RGL2: variants seen among roughly 807,000 people sequenced by gnomAD.
RGL2 encodes the protein ral guanine nucleotide dissociation stimulator-like 2.
A neutral mutation model predicts 84.6 loss-of-function variants in RGL2; 40 were observed. The observed-to-expected ratio is 0.47, with a 90% CI of 0.37 to 0.62. The LOEUF is 0.62. Ranked by LOEUF, RGL2 falls within the 20% of genes least tolerant of loss-of-function variation. RGL2 has a pLI of 0.00. For missense variants in RGL2, 865 were observed against 1,019.7 expected, an observed-to-expected ratio of 0.85 and a Z score of 2.07; for synonymous variants, 369 against 417.3, an observed-to-expected ratio of 0.88 and a Z score of 1.41.
rs1767640158 is a variant in RGL2, at chr6:33,293,519, A to C, written c.1610T>G (p.Leu537Trp). 6.2e-7 allele frequency: 1 copy of C among 1,613,574 alleles called. No homozygotes were observed. The change falls in exon 15 of 18, where the codon TTG becomes TGG. Residue 537 changes from leucine (L) to tryptophan (W), a missense_variant. Physicochemically the swap from Leu to Trp is moderately conservative, Grantham distance 61 (BLOSUM62 -2). This residue lies in a region of RGL2 where 302 missense variants were observed against 327.9 expected (regional missense o/e 0.92). Coordinates refer to ENST00000497454, the MANE Select transcript of RGL2 (RefSeq NM_004761.5). This position sits in a 1 kb window ranked among gnomAD's most constrained non-coding sequence, Gnocchi z 7.0. ...TLVISQWTEV[L>W]GSVGVPTPLV... is the part of the protein sequence containing the mutation. The stretch of plus-strand genomic sequence containing the variant: ...CGGGGTAGGGACCCCAACAGAGCCC[A>C]AAACCCTGCAGTGGCAGGAGATTGG...
In RGL2 at chr6:33,293,357, G is replaced by A. The variant is rs760476809; in HGVS notation, c.1717-51C>T. On this transcript the variant is annotated intron_variant, in intron 15 of 17. Transcript: ENST00000497454. This position sits in a 1 kb window ranked among gnomAD's most constrained non-coding sequence, Gnocchi z 7.0. ...CATGAAGGCAGGGAGGTTTAAGGAA[G>A]AAACATTTACAGAGTGAGGGTCAGC... 7 of 1,583,826 alleles carry A rather than the reference G, an allele frequency of 4.4e-6. No individual in the cohort carries two copies. The highest frequency in any genetic ancestry group is 6.0e-6 in the Non-Finnish European group (7 of 1,166,368).
rs1285807536 is a variant in RGL2 at position 33,298,795 on chromosome 6, TA to T, written c.-42+74del. 12 of 332,512 alleles carry T rather than the reference TA, an allele frequency of 3.6e-5. No homozygotes were observed. Among genetic ancestry groups the T allele is most frequent in the Admixed American group, 5.6e-5 (1 of 17,754 alleles). The allele number at this position is 332,512 out of a possible 1,614,324, so 20.6% of individuals were successfully genotyped here. A position where few individuals can be genotyped will look rare whatever the true frequency, so the allele number is the denominator to read the frequency against. On this transcript the variant is annotated intron_variant, in intron 1 of 17. Coordinates refer to ENST00000497454, the MANE Select transcript of RGL2 (RefSeq NM_004761.5). The surrounding 1 kb of genome is among the most constrained non-coding windows in gnomAD (Gnocchi z 4.8). Reference sequence around the variant, plus strand: ...GGGAGGGGGCAACAGAAGGGTGGAATAGGGGGGCCCTTGGTGCTGTTGGGGA... The same window carrying T: ...GGGAGGGGGCAACAGAAGGGTGGAATGGGGGGCCCTTGGTGCTGTTGGGGA...
At position 33,292,356 on chromosome 6, in the gene RGL2, T is replaced by TC. The variant is rs757404418; in HGVS notation, c.2123-44dup. 7.5e-6 allele frequency: 12 copies of TC among 1,609,716 alleles called. No individual in the cohort carries two copies. The South Asian group carries it at 1.1e-4, about 15-fold the overall frequency. On this transcript the variant is annotated intron_variant, in intron 17 of 17. Coordinates refer to ENST00000497454, the MANE Select transcript of RGL2 (RefSeq NM_004761.5). ...GGATGTAAAGCACACACACAGTTGT[T>TC]CCCCCCACAGCCGCCCAGATGTGGA... is the stretch of plus-strand genomic sequence containing the variant.
Position 33,293,222 on chromosome 6 carries a change from GGT to G in RGL2, c.1799_1800del (p.His600ProfsTer9), listed in dbSNP as rs746670142. 1.5e-5 allele frequency: 23 copies of G among 1,562,140 alleles called. No homozygotes were observed. The highest frequency in any genetic ancestry group is 2.7e-5 in the African/African-American group (2 of 73,378). On this transcript the variant is annotated frameshift_variant, in exon 16 of 18. Transcript: ENST00000497454. LOFTEE classifies it high-confidence loss of function. The surrounding 1 kb of genome is among the most constrained non-coding windows in gnomAD (Gnocchi z 7.0). ...CTAGGGGAGGAGGCTGGTGGGGAGA[GGT>G]GGCTGGGGTCAGCTGGACTGTGCAG... is the stretch of plus-strand genomic sequence containing the variant. ...PSLHSPADPS[H>X]LSPPASSPRP...
Position 33,297,067 on chromosome 6 carries a change from C to T in RGL2, c.205G>A (p.Val69Ile), listed in dbSNP as rs989579915. 5.1e-6 allele frequency: 8 copies of T among 1,574,566 alleles called. No individual in the cohort carries two copies. The highest frequency in any genetic ancestry group is 1.2e-5 in the South Asian group (1 of 83,222). The stretch of plus-strand genomic sequence containing the variant: ...AGAGGTCGATATTGGCGGCTTGTGA[C>T]GGTAAACACGGCACCATCCTCCTCC... ...DEEEDGAVFT[V>I]TSRQYRPLDP... Residue 69 changes from valine (V) to isoleucine (I), a missense_variant, in exon 3 of 18, where the codon GTC becomes ATC. By Grantham distance (29) the Val-to-Ile change is conservative (BLOSUM62 3). Around this residue, in one of 5 missense-constraint regions of RGL2, gnomAD observed 455 missense variants for 507.8 expected, o/e 0.90. Coordinates refer to ENST00000497454, the MANE Select transcript of RGL2 (RefSeq NM_004761.5). This position sits in a 1 kb window ranked among gnomAD's most constrained non-coding sequence, Gnocchi z 4.0.
chr6:33,298,879 A>T lies in RGL2; in HGVS notation c.-51T>A. The T allele has an allele frequency of 4.6e-4, 55 of 120,326 alleles. No individual in the cohort carries two copies. The highest frequency in any genetic ancestry group is 6.3e-4 in the East Asian group (5 of 7,990). 7.5% of individuals were successfully genotyped at this position (120,326 alleles called of 1,614,324 possible). On this transcript the variant is annotated 5_prime_UTR_variant, in exon 1 of 18. Transcript: ENST00000497454. This position sits in a 1 kb window ranked among gnomAD's most constrained non-coding sequence, Gnocchi z 4.8. ...GTGCTCAGGCTCTGACCTGCTCGGG[A>T]GGGGTGGGGGCAGCGTGGGTCCTGA...
chr6:33,297,309 C>T lies in RGL2; in HGVS notation c.157-194G>A. On this transcript the variant is annotated intron_variant, in intron 2 of 17. Transcript: ENST00000497454. This position sits in a 1 kb window ranked among gnomAD's most constrained non-coding sequence, Gnocchi z 4.0. ...CCACTGGGGCCCAGACAGCCCCACC[C>T]CAGCCGCCTCAGGGCCCCGGTGGAG... 1 of 517,832 alleles carries T rather than the reference C, an allele frequency of 1.9e-6. No homozygotes were observed. The highest frequency in any genetic ancestry group is 3.4e-6 in the Non-Finnish European group (1 of 295,416). 32.1% of individuals were successfully genotyped at this position (517,832 alleles called of 1,614,324 possible).
In RGL2 at chr6:33,293,174, A is replaced by G; in HGVS notation, c.1849T>C (p.Ser617Pro). 1 of 1,602,356 alleles carries G rather than the reference A, an allele frequency of 6.2e-7. No individual in the cohort carries two copies. Among genetic ancestry groups the G allele is most frequent in the Non-Finnish European group, 8.5e-7 (1 of 1,174,868 alleles). ...SPRPSRGHRRSASCGSPLSGG... is the reference protein window; with the variant it reads ...SPRPSRGHRRPASCGSPLSGG... Reference sequence around the variant, plus strand: ...CTCAGCGGGGAGCCACAGGAGGCTGAGCGGCGGTGACCTCGAGAAGGCCTA... The same window carrying G: ...CTCAGCGGGGAGCCACAGGAGGCTGGGCGGCGGTGACCTCGAGAAGGCCTA... The change falls in exon 16 of 18, where the codon TCA becomes CCA. Residue 617 changes from serine (S) to proline (P), a missense_variant. Transcript: ENST00000497454. This position sits in a 1 kb window ranked among gnomAD's most constrained non-coding sequence, Gnocchi z 7.0.
chr6:33,300,723 T>C (rs1237473697), upstream of RGL2: 2 of 149,794 alleles, frequency 1.3e-5, no homozygotes, highest in African/African-American at 4.9e-5. Context: ...CCCAATACTT[T>C]GGGAGGCCGA....
In RGL2 at chr6:33,295,502, T is replaced by G; in HGVS notation, c.1020+6A>C. 6.2e-7 allele frequency: 1 copy of G among 1,613,238 alleles called. No individual in the cohort carries two copies. The highest frequency in any genetic ancestry group is 1.3e-5 in the African/African-American group (1 of 75,002). ...CCACAAACCGTAGGGCAATCTTCTC[T>G]CTCACCTCTGCCACGCGGATCCACT... is the stretch of plus-strand genomic sequence containing the variant. On this transcript the variant is annotated splice_donor_region_variant and intron_variant, in intron 7 of 17. Coordinates refer to ENST00000497454, the MANE Select transcript of RGL2 (RefSeq NM_004761.5). The surrounding 1 kb of genome is among the most constrained non-coding windows in gnomAD (Gnocchi z 7.2).
In RGL2 at chr6:33,296,060, G is replaced by T; in HGVS notation, c.736C>A (p.His246Asn). ...PTDVLVFLADHLAEQLTLLDA... is the reference protein window; with the variant it reads ...PTDVLVFLADNLAEQLTLLDA... Reference sequence around the variant, plus strand: ...AGCAGGGTCAGCTGTTCGGCCAAGTGGTCAGCGAGGAACACCAGGACATCC... The same window carrying T: ...AGCAGGGTCAGCTGTTCGGCCAAGTTGTCAGCGAGGAACACCAGGACATCC... The change falls in exon 6 of 18, where the codon CAC (histidine) becomes AAC (asparagine). Residue 246 changes from histidine to asparagine, a missense_variant. Transcript: ENST00000497454. This position sits in a 1 kb window ranked among gnomAD's most constrained non-coding sequence, Gnocchi z 5.0. The T allele has an allele frequency of 6.2e-7, 1 of 1,614,072 alleles. No individual in the cohort carries two copies. The highest frequency in any genetic ancestry group is 1.7e-5 in the Admixed American group (1 of 60,010).
upstream of RGL2, chr6:33,300,688 G>C (rs974608373): frequency 1.7e-5 from 2 of 115,710 alleles, no homozygotes; most frequent in African/African-American, 7.6e-5. Flanking sequence ...ATTTGCAGCC[G>C]GGCGCGGTGG....
At position 33,298,491 on chromosome 6, in the gene RGL2, G is replaced by T; in HGVS notation, c.120C>A (p.Gly40=). 6.6e-7 allele frequency: 1 copy of T among 1,517,550 alleles called. No individual in the cohort carries two copies. The highest frequency in any genetic ancestry group is 8.9e-7 in the Non-Finnish European group (1 of 1,125,146). 94.0% of individuals were successfully genotyped at this position (1,517,550 alleles called of 1,614,324 possible). ...EGGGPGGLVV[G]GGQEEEEEEE... is the part of the protein sequence containing the mutation. ...CCTCCTCCTCTTCCTCCTGCCCCCC[G>T]CCCACGACCAGGCCACCTGGGCCCC... Residue 40 remains glycine (G), a synonymous_variant, in exon 2 of 18, where the codon GGC becomes GGA. Coordinates refer to ENST00000497454, the MANE Select transcript of RGL2 (RefSeq NM_004761.5). The surrounding 1 kb of genome is among the most constrained non-coding windows in gnomAD (Gnocchi z 4.8).
In RGL2 at chr6:33,295,990, G is replaced by A. The variant is rs1253184360; in HGVS notation, c.768+38C>T. 6.2e-7 allele frequency: 1 copy of A among 1,610,624 alleles called. No individual in the cohort carries two copies. The highest frequency in any genetic ancestry group is 8.5e-7 in the Non-Finnish European group (1 of 1,177,846). On this transcript the variant is annotated intron_variant, in intron 6 of 17. Coordinates refer to ENST00000497454, the MANE Select transcript of RGL2 (RefSeq NM_004761.5). This position sits in a 1 kb window ranked among gnomAD's most constrained non-coding sequence, Gnocchi z 7.2. ...CTGGAGTCAAGGAGAGGTTAGTAAG[G>A]GGTCAGGGGGCATAGGGGCCAGAGG... is the stretch of plus-strand genomic sequence containing the variant.
rs1767664901 is a variant in RGL2 at position 33,293,745 on chromosome 6, C to T, written c.1509-46G>A. 6.2e-7 allele frequency: 1 copy of T among 1,612,906 alleles called. No individual in the cohort carries two copies. Among genetic ancestry groups the T allele is most frequent in the Non-Finnish European group, 8.5e-7 (1 of 1,179,248 alleles). ...GCAGAGCTCAGGACATGACACCAAT[C>T]CCCCACACCTGGCCAGAACCCTGGA... is the stretch of plus-strand genomic sequence containing the variant. On this transcript the variant is annotated intron_variant, in intron 13 of 17. Transcript: ENST00000497454. The surrounding 1 kb of genome is among the most constrained non-coding windows in gnomAD (Gnocchi z 7.0).
chr6:33,294,096 T>C lies in RGL2; in HGVS notation c.1354-30A>G. 2 of 1,602,438 alleles carry C rather than the reference T, an allele frequency of 1.2e-6. No homozygotes were observed. The highest frequency in any genetic ancestry group is 8.5e-7 in the Non-Finnish European group (1 of 1,172,632). ...GAGGAAAATGGGGATGGGGTGAAAG[T>C]TCCAACCCTACCTTCCGGCCACAGA... On this transcript the variant is annotated intron_variant, in intron 11 of 17. Transcript: ENST00000497454. The surrounding 1 kb of genome is among the most constrained non-coding windows in gnomAD (Gnocchi z 5.0).
Position 33,296,132 on chromosome 6 carries a change from G to A in RGL2, c.664C>T (p.Leu222Phe). 2 of 1,613,996 alleles carry A rather than the reference G, an allele frequency of 1.2e-6. No individual in the cohort carries two copies. Among genetic ancestry groups the A allele is most frequent in the South Asian group, 1.1e-5 (1 of 91,078 alleles). Residue 222 changes from leucine (L) to phenylalanine (F), a missense_variant, in exon 6 of 18, where the codon CTT becomes TTT. By Grantham distance (22) the Leu-to-Phe change is conservative. Around this residue, in one of 5 missense-constraint regions of RGL2, gnomAD observed 455 missense variants for 507.8 expected, o/e 0.90. Transcript: ENST00000497454. This position sits in a 1 kb window ranked among gnomAD's most constrained non-coding sequence, Gnocchi z 5.0. Reference protein sequence around the residue: ...RSRVDPQAPDLPKPLALPGDP... With the variant: ...RSRVDPQAPDFPKPLALPGDP... ...CCGGGGAGGGCCAGGGGCTTAGGAA[G>A]GTCGGGGGCCTGGGGGTCCACCCGG...
chr6:33,301,434 T>C (rs59097151), upstream of RGL2: 7,834 of 329,066 alleles, frequency 0.024, 593 homozygotes, highest in African/African-American at 0.15. Context: ...ATTCACTGGG[T>C]GTGGTGGCAT....
chr6:33,293,408 C>T lies in RGL2; in HGVS notation c.1716+5G>A, dbSNP rs1767624703. 8.7e-6 allele frequency: 14 copies of T among 1,612,356 alleles called. No individual in the cohort carries two copies. The highest frequency in any genetic ancestry group is 1.2e-5 in the Non-Finnish European group (14 of 1,179,308). ...GTCAAGGTCAGAGTCAGGAGCAGAG[C>T]TCACCTGGGCCAGCCGAGTCAGCAG... On this transcript the variant is annotated splice_donor_5th_base_variant and intron_variant, in intron 15 of 17. Coordinates refer to ENST00000497454, the MANE Select transcript of RGL2 (RefSeq NM_004761.5). The surrounding 1 kb of genome is among the most constrained non-coding windows in gnomAD (Gnocchi z 7.0).
Sources: gnomAD v4.1 joint callset for allele counts on GRCh38, gnomAD v4.1.1 for gene constraint, gnomAD v4.1.1 regional missense constraint, Gnocchi (gnomAD v3.1) non-coding constraint, MANE v1.5 for transcripts, NCBI Gene and HGNC (gene_info 2026-07-23, HGNC 2026-07-21) for gene names.